Variants in ADORA1 observed in about 807,000 individuals in gnomAD.
The protein encoded by ADORA1 is adenosine A1 receptor.
In ADORA1, 6 loss-of-function variants were observed where a neutral mutation model predicts 19.9. The ratio of observed to expected loss-of-function variants is 0.30; its 90% CI spans 0.17 to 0.59. ADORA1 has a LOEUF of 0.59. Ranked by LOEUF, ADORA1 falls within the 20% of genes least tolerant of loss-of-function variation. ADORA1 has a pLI of 0.87. For missense variants in ADORA1, 302 were observed against 439.2 expected, an observed-to-expected ratio of 0.69 and a Z score of 2.79; for synonymous variants, 194 against 188.4, an observed-to-expected ratio of 1.03 and a Z score of -0.24.
At chr1:203,153,220 C>T (rs899907967) in intron 3 of ADORA1, among the ~76,000 whole-genome samples, 3 of 152,202 alleles carry the variant, frequency 2.0e-5, no homozygotes, top group South Asian at 2.1e-4. Context: ...CAGCACATGC[C>T]GCTCTCATCA....
At position 203,165,247 on chromosome 1, in the gene ADORA1, C is replaced by T; in HGVS notation, c.342-14C>T. 3 of 1,594,260 alleles carry T rather than the reference C, an allele frequency of 1.9e-6. No homozygotes were observed. Among genetic ancestry groups the T allele is most frequent in the Non-Finnish European group, 2.6e-6 (3 of 1,169,882 alleles). On this transcript the variant is annotated splice_polypyrimidine_tract_variant and intron_variant, in intron 3 of 3. Transcript: ENST00000337894. The surrounding 1 kb of genome is among the most constrained non-coding windows in gnomAD (Gnocchi z 5.9). ...GGGAGGCAGATCCTCACACTCTGCC[C>T]TCCTCTCCCCCAGGTACAAGATGGT...
rs1358408887 is a variant in ADORA1, at chr1:203,166,998, G to A, written c.*1098G>A. On this transcript the variant is annotated 3_prime_UTR_variant, in exon 4 of 4. Transcript: ENST00000337894. ...AGAGCATGTGGGGGAAGGCCTTGCT[G>A]TCATGTGAATCCCTCAATACCCCTA... The A allele has an allele frequency of 6.5e-6, 1 of 152,742 alleles. No homozygotes were observed. The highest frequency in any genetic ancestry group is 1.9e-4 in the East Asian group (1 of 5,190). The allele number at this position is 152,742 out of a possible 1,614,324, so 9.5% of individuals were successfully genotyped here. A position where few individuals can be genotyped will look rare whatever the true frequency, so the allele number is the denominator to read the frequency against.
chr1:203,141,306 G>A (rs1004455086), intron 3 of ADORA1, among the ~76,000 whole-genome samples: 8 of 152,234 alleles, frequency 5.3e-5, no homozygotes, highest in Non-Finnish European at 7.3e-5. Context: ...CAGGGTTGGT[G>A]TGGGCGGTGA....
Position 203,165,572 on chromosome 1 carries a change from C to T in ADORA1, c.653C>T (p.Ser218Phe), listed in dbSNP as rs1387207285. ...CAGCTCAACAAGAAGGTGTCGGCCT[C>T]CTCCGGCGACCCGCAGAAGTACTAT... ...RKQLNKKVSA[S>F]SGDPQKYYGK... Residue 218 changes from serine to phenylalanine, a missense_variant, in exon 4 of 4, where the codon TCC (serine) becomes TTC (phenylalanine). Physicochemically the swap from Ser to Phe is radical, Grantham distance 155. Transcript: ENST00000337894. This position sits in a 1 kb window ranked among gnomAD's most constrained non-coding sequence, Gnocchi z 5.9. The T allele has an allele frequency of 7.4e-6, 12 of 1,613,872 alleles. No individual in the cohort carries two copies. Among genetic ancestry groups the T allele is most frequent in the East Asian group, 2.2e-5 (1 of 44,886 alleles).
At chr1:203,143,019 A>G (rs867077330) in intron 3 of ADORA1, among the ~76,000 whole-genome samples, 3 of 152,208 alleles carry the variant, frequency 2.0e-5, no homozygotes, top group Admixed American at 6.5e-5. Context: ...CTGGATGACA[A>G]TGATGCAAAC....
Position 203,139,066 on chromosome 1 carries a change from G to A in ADORA1, c.341+9884G>A, listed in dbSNP as rs182405014. On this transcript the variant is annotated intron_variant, in intron 3 of 3. Coordinates refer to ENST00000337894, the MANE Select transcript of ADORA1 (RefSeq NM_000674.3). ...ACTCCTGACCTCCAGTGATCTGCCC[G>A]CCTCGGCCTCCCAAACTGCTGGGAT... 2.9e-3 allele frequency among the ~76,000 whole-genome samples: 447 copies of A among 152,246 alleles called. 6 individuals are homozygous for A. The highest frequency in any genetic ancestry group is 9.7e-3 in the South Asian group (47 of 4,822).
Position 203,165,305 on chromosome 1 carries a change from C to A in ADORA1, c.386C>A (p.Ala129Asp). Residue 129 changes from alanine to aspartate, a missense_variant, in exon 4 of 4, where the codon GCC becomes GAC. Transcript: ENST00000337894. The surrounding 1 kb of genome is among the most constrained non-coding windows in gnomAD (Gnocchi z 5.9). The part of the protein sequence containing the change: ...VTPRRAAVAI[A>D]GCWILSFVVG... ...CCCCGGAGGGCGGCGGTGGCCATAGCCGGCTGCTGGATCCTCTCCTTCGTG... is the reference window on the plus strand; with the variant it reads ...CCCCGGAGGGCGGCGGTGGCCATAGACGGCTGCTGGATCCTCTCCTTCGTG... The A allele has an allele frequency of 6.4e-7, 1 of 1,568,652 alleles. No individual in the cohort carries two copies. The highest frequency in any genetic ancestry group is 8.6e-7 in the Non-Finnish European group (1 of 1,157,478).
intron 3 of ADORA1, among the ~76,000 whole-genome samples, chr1:203,154,584 G>A (rs1300752092): frequency 6.6e-6 from 1 of 152,186 alleles, no homozygotes; most frequent in Non-Finnish European, 1.5e-5. Flanking sequence ...GGCTTGTCTG[G>A]TGTGTGTTGG....
intron 3 of ADORA1, among the ~76,000 whole-genome samples, chr1:203,141,311 C>T (rs527511730): frequency 4.6e-5 from 7 of 152,314 alleles, no homozygotes; most frequent in African/African-American, 9.6e-5. Context: ...TTGGTGTGGG[C>T]GGTGAGAGCC....
intron 3 of ADORA1, among the ~76,000 whole-genome samples, chr1:203,140,846 AG>A (rs1654658549): frequency 6.6e-6 from 1 of 152,192 alleles, no homozygotes; most frequent in South Asian, 2.1e-4. Flanking sequence ...TGGGACATTA[AG>A]GCCTCTTTTC....
Position 203,129,021 on chromosome 1 carries a change from C to T in ADORA1, c.180C>T (p.Ala60=). Residue 60 remains alanine, a synonymous_variant, in exon 3 of 4, where the codon GCC becomes GCT. Coordinates refer to ENST00000337894, the MANE Select transcript of ADORA1 (RefSeq NM_000674.3). ...CGGTGGCTGATGTGGCCGTGGGTGCCCTGGTCATCCCCCTCGCCATCCTCA... is the reference window on the plus strand; with the variant it reads ...CGGTGGCTGATGTGGCCGTGGGTGCTCTGGTCATCCCCCTCGCCATCCTCA... ...SLAVADVAVG[A]LVIPLAILIN... The T allele has an allele frequency of 6.2e-7, 1 of 1,614,154 alleles. No individual in the cohort carries two copies.
At chr1:203,157,052 A>G (rs1655219152) in intron 3 of ADORA1, among the ~76,000 whole-genome samples, 1 of 152,248 alleles carries the variant, frequency 6.6e-6, no homozygotes, top group Non-Finnish European at 1.5e-5. Flanking sequence ...GGCCTTCAAA[A>G]TTCATGTCCT....
intron 3 of ADORA1, among the ~76,000 whole-genome samples, chr1:203,147,759 G>T (rs1379012229): frequency 6.6e-6 from 1 of 152,212 alleles, no homozygotes; most frequent in Non-Finnish European, 1.5e-5. Context: ...AGCCTCATGG[G>T]AATGGCAGTG....
chr1:203,149,671 A>G (rs1274935044), intron 3 of ADORA1, among the ~76,000 whole-genome samples: 1 of 152,142 alleles, frequency 6.6e-6, no homozygotes, highest in East Asian at 1.9e-4. Context: ...CATTCTGTAG[A>G]AGGCCCCTCA....
At chr1:203,164,973 A>T (rs1437477532) in intron 3 of ADORA1, 2 of 1,478,692 alleles carry the variant, frequency 1.4e-6, no homozygotes, top group Non-Finnish European at 1.8e-6. Context: ...TACTGTGGTC[A>T]TTTCCTTGAA....
intron 3 of ADORA1, among the ~76,000 whole-genome samples, chr1:203,160,804 C>T (rs1423994767): frequency 6.6e-6 from 1 of 152,172 alleles, no homozygotes; most frequent in African/African-American, 2.4e-5. Flanking sequence ...GAGTGAGAGC[C>T]TATCTCTTAA....
chr1:203,150,875 C>T, intron 3 of ADORA1: 1 of 1,177,630 alleles, frequency 8.5e-7, no homozygotes, highest in South Asian at 1.4e-5. Context: ...CTTTAGGGGG[C>T]CCTGACAGCC....
At chr1:203,163,473 C>T (rs1655434902) in intron 3 of ADORA1, among the ~76,000 whole-genome samples, 1 of 152,162 alleles carries the variant, frequency 6.6e-6, no homozygotes, top group African/African-American at 2.4e-5. Context: ...AAGAAAACTT[C>T]AGAGGCACAA....
intron 3 of ADORA1, among the ~76,000 whole-genome samples, chr1:203,154,839 G>A (rs1216243261): frequency 6.6e-6 from 1 of 152,156 alleles, no homozygotes; most frequent in Non-Finnish European, 1.5e-5. Context: ...TCTCATCCCT[G>A]CAGTGGTGGC....
Sources: allele counts gnomAD v4.1 joint callset (sites outside exome capture counted in the v4.1 genomes callset), GRCh38; gene constraint gnomAD v4.1.1; non-coding constraint Gnocchi (gnomAD v3.1); transcripts MANE v1.5; gene names NCBI Gene and HGNC (gene_info 2026-07-23, HGNC 2026-07-21).